Variants in ZFHX3 observed in about 807,000 individuals in gnomAD.
ZFHX3 encodes the protein zinc finger homeobox 3.
In ZFHX3, 42 loss-of-function variants were observed where a neutral mutation model predicts 279.1. The ratio of observed to expected loss-of-function variants is 0.15; its 90% CI spans 0.12 to 0.19. ZFHX3 has a LOEUF of 0.19. Among genes scored for constraint, ZFHX3 ranks in the 10% least tolerant of loss-of-function variants. The pLI, the probability that ZFHX3 is intolerant of heterozygous loss-of-function variation, is 1.00. For synonymous variants in ZFHX3, 2,293 were observed against 1,957.8 expected (o/e 1.17, Z -4.52); for missense variants, 4,981 against 4,754.0 (o/e 1.05, Z -1.40).
intron 2 of ZFHX3, among the ~76,000 whole-genome samples, chr16:73,539,227 A>T (rs2019965818): frequency 6.6e-6 from 1 of 151,384 alleles, no homozygotes; most frequent in South Asian, 2.1e-4. Flanking sequence ...GGCCTGGTGG[A>T]CACGTGCATA....
intron 2 of ZFHX3, among the ~76,000 whole-genome samples, chr16:73,668,852 A>T (rs1329816266): frequency 6.6e-6 from 1 of 152,140 alleles, no homozygotes; most frequent in Non-Finnish European, 1.5e-5. Flanking sequence ...GTAAATCAAA[A>T]CCACATCTCA....
At chr16:73,422,630 C>T (rs1394773850) in intron 3 of ZFHX3, among the ~76,000 whole-genome samples, 9 of 152,216 alleles carry the variant, frequency 5.9e-5, no homozygotes, top group African/African-American at 2.2e-4. Context: ...TCTAGATTTA[C>T]TGCCCAAAGG....
chr16:72,925,526 T>C (rs1333922264), intron 3 of ZFHX3, among the ~76,000 whole-genome samples: 4 of 152,140 alleles, frequency 2.6e-5, no homozygotes, highest in Non-Finnish European at 5.9e-5. Context: ...CGCTGTGGGG[T>C]CAAGGACAGG....
intron 2 of ZFHX3, among the ~76,000 whole-genome samples, chr16:73,662,273 G>A (rs1443053790): frequency 6.6e-6 from 1 of 152,052 alleles, no homozygotes; most frequent in Non-Finnish European, 1.5e-5. Context: ...CCTTTTCCCA[G>A]ATTTTTTTGG....
intron 1 of ZFHX3, among the ~76,000 whole-genome samples, chr16:73,029,050 G>A (rs1013799880): frequency 5.9e-5 from 9 of 152,270 alleles, no homozygotes; most frequent in African/African-American, 2.2e-4. Context: ...GCCCAGGGGA[G>A]CCAAGTGCAC....
chr16:72,804,536 T>C (rs756556867), intron 7 of ZFHX3, among the ~76,000 whole-genome samples: 1 of 151,868 alleles, frequency 6.6e-6, no homozygotes. Context: ...AGAGGTAACA[T>C]ATAGGTTCAT....
chr16:73,021,302 T>C (rs1216542056), intron 1 of ZFHX3, among the ~76,000 whole-genome samples: 1 of 152,080 alleles, frequency 6.6e-6, no homozygotes, highest in Non-Finnish European at 1.5e-5. Flanking sequence ...AGGGATACAG[T>C]CCTTCCAGTC....
intron 1 of ZFHX3, among the ~76,000 whole-genome samples, chr16:73,859,121 T>C (rs1026227100): frequency 6.6e-6 from 1 of 152,138 alleles, no homozygotes. Flanking sequence ...ACATGGGGAA[T>C]TAGGATCAAA....
chr16:72,998,344 T>C (rs1170846781), intron 1 of ZFHX3, among the ~76,000 whole-genome samples: 2 of 152,072 alleles, frequency 1.3e-5, no homozygotes, highest in South Asian at 2.1e-4. Flanking sequence ...GAGTTTGTAG[T>C]GAGCCAAGAT....
At chr16:73,790,172 A>G (rs1959779867) in intron 1 of ZFHX3, among the ~76,000 whole-genome samples, 1 of 152,084 alleles carries the variant, frequency 6.6e-6, no homozygotes, top group Non-Finnish European at 1.5e-5. Flanking sequence ...TAACAAAAAA[A>G]TTGTCCTAAT....
intron 2 of ZFHX3, among the ~76,000 whole-genome samples, chr16:73,562,519 C>A (rs896686467): frequency 5.4e-5 from 8 of 148,464 alleles, no homozygotes; most frequent in African/African-American, 2.0e-4. Flanking sequence ...TGGCGTGAAC[C>A]TGGGAGGCGG....
At chr16:72,993,017 A>G (rs1342326684) in intron 1 of ZFHX3, among the ~76,000 whole-genome samples, 1 of 152,224 alleles carries the variant, frequency 6.6e-6, no homozygotes, top group African/African-American at 2.4e-5. Flanking sequence ...GGCGCCTGTA[A>G]TCCCAGCTAC....
Position 72,788,769 on chromosome 16 carries a change from T to C in ZFHX3, c.9507A>G (p.Leu3169=), listed in dbSNP as rs1160376061. ...VPSPGLPTSG[L]PNKPSSASLS... is the part of the protein sequence containing the mutation. Reference sequence around the variant, plus strand: ...GCGACGCTGAGGACGGTTTATTTGGTAATCCAGAAGTGGGGAGGCCAGGGG... The same window carrying C: ...GCGACGCTGAGGACGGTTTATTTGGCAATCCAGAAGTGGGGAGGCCAGGGG... Residue 3169 remains leucine (L), a synonymous_variant, in exon 10 of 10, where the codon TTA becomes TTG. Transcript: ENST00000268489. The C allele has an allele frequency of 1.2e-5, 19 of 1,563,984 alleles. No individual in the cohort carries two copies. The highest frequency in any genetic ancestry group is 1.6e-5 in the Non-Finnish European group (19 of 1,156,818).
At chr16:72,845,685 C>T (rs369736993) in intron 4 of ZFHX3, among the ~76,000 whole-genome samples, 5 of 152,342 alleles carry the variant, frequency 3.3e-5, no homozygotes, top group African/African-American at 7.2e-5. Context: ...AAAACACTGA[C>T]GACTTTCCCT....
At chr16:72,868,606 C>T (rs145135102) in intron 4 of ZFHX3, among the ~76,000 whole-genome samples, 20 of 152,354 alleles carry the variant, frequency 1.3e-4, no homozygotes, top group Non-Finnish European at 1.9e-4. Context: ...CCCCTCCACC[C>T]GTTCGCGCTC....
At chr16:73,242,415 G>C (rs1160867214) in intron 5 of ZFHX3, among the ~76,000 whole-genome samples, 1 of 152,208 alleles carries the variant, frequency 6.6e-6, no homozygotes, top group African/African-American at 2.4e-5. Flanking sequence ...TTCTTTGGCA[G>C]AAAGACTTGG....
chr16:73,853,723 G>T (rs764522690), intron 1 of ZFHX3, among the ~76,000 whole-genome samples: 2 of 152,198 alleles, frequency 1.3e-5, no homozygotes, highest in Non-Finnish European at 2.9e-5. Flanking sequence ...TAACCATCCA[G>T]GTACAATGTT....
chr16:73,746,804 A>G (rs912051759), intron 1 of ZFHX3, among the ~76,000 whole-genome samples: 3 of 152,066 alleles, frequency 2.0e-5, no homozygotes, highest in Non-Finnish European at 4.4e-5. Flanking sequence ...AACAGACCAA[A>G]ATCTCCCATA....
At position 72,797,631 on chromosome 16, in the gene ZFHX3, G is replaced by A; in HGVS notation, c.5051C>T (p.Pro1684Leu). The stretch of plus-strand genomic sequence containing the variant: ...GGGTGGCATCCCTACACTCTCAGTG[G>A]GCACTTGGCTTAGTAAGTTAGAGCT... Reference protein sequence around the residue: ...APSSNLLSQVPTESVGMPPLG... With the variant: ...APSSNLLSQVLTESVGMPPLG... Residue 1684 changes from proline (P) to leucine (L), a missense_variant, in exon 9 of 10, where the codon CCC becomes CTC. By Grantham distance (98) the Pro-to-Leu change is moderately conservative (BLOSUM62 -3). Around this residue, in one of 7 missense-constraint regions of ZFHX3, gnomAD observed 1,751 missense variants for 1,770.0 expected, o/e 0.99. Coordinates refer to ENST00000268489, the MANE Select transcript of ZFHX3 (RefSeq NM_006885.4). 1 of 1,614,162 alleles carries A rather than the reference G, an allele frequency of 6.2e-7. No individual in the cohort carries two copies. Among genetic ancestry groups the A allele is most frequent in the Non-Finnish European group, 8.5e-7 (1 of 1,180,038 alleles).
Sources: allele counts gnomAD v4.1 joint callset (sites outside exome capture counted in the v4.1 genomes callset), GRCh38; gene constraint gnomAD v4.1.1; regional missense constraint gnomAD v4.1.1; transcripts MANE v1.5; gene names NCBI Gene and HGNC (gene_info 2026-07-23, HGNC 2026-07-21).